Variants in SLIT3 observed in about 807,000 individuals in gnomAD.
SLIT3 encodes slit homolog 3 protein.
Under a neutral mutation model 184.0 loss-of-function variants are expected in SLIT3, and 68 were observed. That is an observed-to-expected ratio of 0.37 (90% CI 0.30 to 0.45). SLIT3 has a LOEUF of 0.45. Ranked by LOEUF, SLIT3 falls within the 20% of genes least tolerant of loss-of-function variation. SLIT3 has a pLI of 1.00. For missense variants in SLIT3, 1,707 were observed against 2,026.0 expected, an observed-to-expected ratio of 0.84 and a Z score of 3.02; for synonymous variants, 831 against 828.6, an observed-to-expected ratio of 1.00 and a Z score of -0.05.
intron 9 of SLIT3, among the ~76,000 whole-genome samples, chr5:168,804,836 G>A (rs995851309): frequency 1.6e-4 from 25 of 152,220 alleles, no homozygotes; most frequent in Non-Finnish European, 2.5e-4. Context: ...TCTTTAAAAC[G>A]TCCCAGGATG....
At chr5:168,957,516 G>A (rs891983158) in intron 4 of SLIT3, among the ~76,000 whole-genome samples, 1 of 152,194 alleles carries the variant, frequency 6.6e-6, no homozygotes, top group African/African-American at 2.4e-5. Context: ...TAGGAGGTCT[G>A]GGGTGAGGCC....
chr5:169,071,259 C>T lies in SLIT3; in HGVS notation c.413+122220G>A, dbSNP rs193228827. ...TTGGCTTCAGTCCCTGAATGGGGCT[C>T]ATGTAATGAACACAAAACCAGGGAC... is the stretch of plus-strand genomic sequence containing the variant. On this transcript the variant is annotated intron_variant, in intron 4 of 35. Transcript: ENST00000519560. Among the ~76,000 whole-genome samples, 5 of 152,330 alleles carry T rather than the reference C, an allele frequency of 3.3e-5. No individual in the cohort carries two copies. The East Asian group carries it at 7.7e-4, about 23-fold the overall frequency.
intron 23 of SLIT3, 132 bp from the exon 24 acceptor site, chr5:168,712,486 C>T: frequency 1.4e-6 from 1 of 738,394 alleles, no homozygotes; most frequent in Non-Finnish European, 2.4e-6. Flanking sequence ...GCAGTAGCTG[C>T]TGCCCCCTTT....
At chr5:169,162,690 T>A (rs1762517806) in intron 4 of SLIT3, among the ~76,000 whole-genome samples, 1 of 152,184 alleles carries the variant, frequency 6.6e-6, no homozygotes, top group Non-Finnish European at 1.5e-5. Context: ...CCGATTGTTA[T>A]GAGTGGGACT....
chr5:168,807,027 T>G lies in SLIT3; in HGVS notation c.794-440A>C, dbSNP rs369037514. Among the ~76,000 whole-genome samples, 37 of 152,338 alleles carry G rather than the reference T, an allele frequency of 2.4e-4. No individual in the cohort carries two copies. In the East Asian group the frequency reaches 3.7e-3, roughly 15 times the overall value. ...AAGCCACGGGGCTATCAAAACCAAGTGGCAGAATGTCCCCATTTGCGGCAT... is the reference window on the plus strand; with the variant it reads ...AAGCCACGGGGCTATCAAAACCAAGGGGCAGAATGTCCCCATTTGCGGCAT... On this transcript the variant is annotated intron_variant, in intron 8 of 35. Coordinates refer to ENST00000519560, the MANE Select transcript of SLIT3 (RefSeq NM_003062.4).
In SLIT3 at chr5:168,749,453, T is replaced by G; in HGVS notation, c.2137+19A>C. On this transcript the variant is annotated intron_variant, in intron 19 of 35. Transcript: ENST00000519560. ...TTCCCAGGGCCTTCCCCGCAGACCTTGACCCACAGCCTTCTTACCATCACA... is the reference window on the plus strand; with the variant it reads ...TTCCCAGGGCCTTCCCCGCAGACCTGGACCCACAGCCTTCTTACCATCACA... The G allele has an allele frequency of 2.5e-6, 4 of 1,613,926 alleles. No individual in the cohort carries two copies. Among genetic ancestry groups the G allele is most frequent in the Non-Finnish European group, 3.4e-6 (4 of 1,179,852 alleles).
intron 14 of SLIT3, among the ~76,000 whole-genome samples, chr5:168,765,086 A>T (rs1050324480): frequency 2.0e-5 from 3 of 152,204 alleles, no homozygotes; most frequent in African/African-American, 7.2e-5. Context: ...AAGCGAAGGA[A>T]CCCTGACTGC....
chr5:168,769,534 C>T (rs994708687), intron 14 of SLIT3, among the ~76,000 whole-genome samples: 1 of 152,172 alleles, frequency 6.6e-6, no homozygotes, highest in Non-Finnish European at 1.5e-5. Context: ...CTGGCCTCTC[C>T]TCCTTCCTAA....
intron 1 of SLIT3, among the ~76,000 whole-genome samples, chr5:169,269,968 T>C (rs1766542513): frequency 6.6e-6 from 1 of 152,204 alleles, no homozygotes; most frequent in African/African-American, 2.4e-5. Flanking sequence ...CTGTTTCCTA[T>C]TACAAATCAC....
intron 4 of SLIT3, among the ~76,000 whole-genome samples, chr5:169,099,708 G>GGTCAT (rs758435023): frequency 4.9e-4 from 75 of 152,298 alleles, no homozygotes; most frequent in Non-Finnish European, 8.7e-4. Context: ...ACAGAATGCC[G>GGTCAT]GTCATGACCT....
In SLIT3 at chr5:169,299,227, A is replaced by G. The variant is rs534885805; in HGVS notation, c.197+1286T>C. The stretch of plus-strand genomic sequence containing the variant: ...ATCACTGCACTTGTGGAAAAACAAA[A>G]AAGTACTGAGCCAAAGGAAAAAGAG... On this transcript the variant is annotated intron_variant, in intron 1 of 35. Transcript: ENST00000519560. Among the ~76,000 whole-genome samples, 4 of 152,272 alleles carry G rather than the reference A, an allele frequency of 2.6e-5. No individual in the cohort carries two copies. The East Asian group carries it at 7.7e-4, about 29-fold the overall frequency.
intron 4 of SLIT3, among the ~76,000 whole-genome samples, chr5:168,923,428 C>T (rs1338248408): frequency 2.0e-5 from 3 of 152,090 alleles, no homozygotes; most frequent in African/African-American, 7.2e-5. Flanking sequence ...TACTCAAATC[C>T]CTCTGCTTCC....
intron 3 of SLIT3, among the ~76,000 whole-genome samples, chr5:169,194,212 C>A (rs530481875): frequency 1.2e-4 from 15 of 123,080 alleles, no homozygotes; most frequent in African/African-American, 3.9e-4. Flanking sequence ...TCCAGCCTGG[C>A]GACAGAGCAA....
intron 6 of SLIT3, among the ~76,000 whole-genome samples, chr5:168,825,547 C>T (rs953813033): frequency 4.0e-5 from 6 of 151,254 alleles, no homozygotes; most frequent in Admixed American, 3.9e-4. Flanking sequence ...ACAAAATTTA[C>T]ATTGCCTGCT....
At chr5:169,064,810 T>C (rs1758291504) in intron 4 of SLIT3, among the ~76,000 whole-genome samples, 1 of 152,222 alleles carries the variant, frequency 6.6e-6, no homozygotes, top group East Asian at 1.9e-4. Flanking sequence ...GAATATTTCA[T>C]ATAGACTCCC....
chr5:168,929,187 C>T (rs923710933), intron 4 of SLIT3, among the ~76,000 whole-genome samples: 1 of 152,132 alleles, frequency 6.6e-6, no homozygotes, highest in Non-Finnish European at 1.5e-5. Context: ...ACAGCAAGTG[C>T]TTCCCAACTC....
chr5:169,089,016 T>A (rs1346294856), intron 4 of SLIT3, among the ~76,000 whole-genome samples: 126 of 31,292 alleles, frequency 4.0e-3, no homozygotes, highest in African/African-American at 0.02. Context: ...CAAGACTCCA[T>A]CTCAAAAAAA....
At chr5:168,929,414 T>G (rs567839906) in intron 4 of SLIT3, among the ~76,000 whole-genome samples, 1 of 152,252 alleles carries the variant, frequency 6.6e-6, no homozygotes, top group Non-Finnish European at 1.5e-5. Context: ...GAGTAGTTGC[T>G]ATCATGACCT....
At position 168,834,686 on chromosome 5, in the gene SLIT3, C is replaced by CAA. The variant is rs540528948; in HGVS notation, c.557+9896_557+9897dup. ...TGGGACACACAGCGAGACTCTGTCT[C>CAA]AAAAAAAAAAAAAAAAAAAAAAAAA... On this transcript the variant is annotated intron_variant, in intron 6 of 35. Coordinates refer to ENST00000519560, the MANE Select transcript of SLIT3 (RefSeq NM_003062.4). Among the ~76,000 whole-genome samples the CAA allele has an allele frequency of 2.6e-3, 99 of 37,426 alleles. 26 individuals are homozygous for CAA. The highest frequency in any genetic ancestry group is 6.3e-3 in the African/African-American group (61 of 9,672). 24.6% of individuals were successfully genotyped at this position (37,426 alleles called of 152,430 possible). A position where few individuals can be genotyped will look rare whatever the true frequency, so the allele number is the denominator to read the frequency against.
Sources: allele counts gnomAD v4.1 joint callset (sites outside exome capture counted in the v4.1 genomes callset), GRCh38; gene constraint gnomAD v4.1.1; transcripts MANE v1.5; gene names NCBI Gene and HGNC (gene_info 2026-07-23, HGNC 2026-07-21).